The following OPCML variants were observed in gnomAD, a reference collection of about 807,000 sequenced individuals.
OPCML encodes the protein opioid binding protein/cell adhesion molecule like, also known as opioid-binding protein/cell adhesion molecule.
OPCML carries 13 observed loss-of-function variants against 37.8 expected under a neutral mutation model. That is an observed-to-expected ratio of 0.34 (90% CI 0.22 to 0.55). The LOEUF (loss-of-function observed/expected upper bound fraction) is 0.55. OPCML is among the 20% of genes least tolerant of loss of function. OPCML has a pLI of 0.91. For missense variants in OPCML, 341 were observed against 435.6 expected, an observed-to-expected ratio of 0.78 and a Z score of 1.93; for synonymous variants, 176 against 168.8, an observed-to-expected ratio of 1.04 and a Z score of -0.33.
intron 4 of OPCML, among the ~76,000 whole-genome samples, chr11:132,484,827 C>G (rs1327047929): frequency 6.6e-6 from 1 of 152,158 alleles, no homozygotes; most frequent in East Asian, 1.9e-4. Context: ...AACAAAAAAC[C>G]AAACGCTGCA....
chr11:132,569,573 T>A (rs73036854), intron 3 of OPCML, among the ~76,000 whole-genome samples: 8,324 of 151,830 alleles, frequency 0.055, 446 homozygotes, highest in African/African-American at 0.12. Context: ...AAGGAAAAAC[T>A]TCAATCTTCA....
intron 1 of OPCML, among the ~76,000 whole-genome samples, chr11:133,037,942 G>T (rs970129220): frequency 6.6e-6 from 1 of 152,160 alleles, no homozygotes; most frequent in African/African-American, 2.4e-5. Context: ...TTGAGATTAG[G>T]GTCCCCTTGG....
intron 1 of OPCML, among the ~76,000 whole-genome samples, chr11:133,110,469 G>GC (rs1200982676): frequency 6.6e-6 from 1 of 152,118 alleles, no homozygotes; most frequent in Non-Finnish European, 1.5e-5. Flanking sequence ...GAGGTCACAG[G>GC]CCCCCGTGCG....
At chr11:133,142,743 AG>A (rs758430540) in intron 1 of OPCML, among the ~76,000 whole-genome samples, 1 of 152,120 alleles carries the variant, frequency 6.6e-6, no homozygotes, top group Non-Finnish European at 1.5e-5. Flanking sequence ...AAGAGAAAGT[AG>A]GGTGAGCATG....
chr11:133,198,767 A>G (rs1229703047), intron 1 of OPCML, among the ~76,000 whole-genome samples: 1 of 152,232 alleles, frequency 6.6e-6, no homozygotes, highest in Non-Finnish European at 1.5e-5. Flanking sequence ...GGTAGCAGAC[A>G]TGCTTAGGCC....
At chr11:133,140,199 A>AATG (rs1565467006) in intron 1 of OPCML, among the ~76,000 whole-genome samples, 1 of 136,036 alleles carries the variant, frequency 7.4e-6, no homozygotes, top group African/African-American at 2.9e-5. Flanking sequence ...TAATAATAAT[A>AATG]ATAATAATAA....
chr11:132,433,898 T>C (rs1163625725), intron 7 of OPCML, among the ~76,000 whole-genome samples: 1 of 152,206 alleles, frequency 6.6e-6, no homozygotes, highest in African/African-American at 2.4e-5. Context: ...TTTGAGATAA[T>C]AAATGTCTGT....
At position 132,943,377 on chromosome 11, in the gene OPCML, G is replaced by A. The variant is rs1255586548; in HGVS notation, c.62-367C>T. ...GAGGAGGGAGGCGGCCAGGAGGGGA[G>A]AGGAAGAAGCAAGGTGCGGGGATGA... On this transcript the variant is annotated intron_variant, in intron 1 of 7. Coordinates refer to ENST00000524381, the MANE Select transcript of OPCML (RefSeq NM_001012393.5). The surrounding 1 kb of genome is among the most constrained non-coding windows in gnomAD (Gnocchi z 4.3). The A allele has an allele frequency of 4.4e-5, 22 of 496,156 alleles. No individual in the cohort carries two copies. The East Asian group carries it at 7.5e-4, about 17-fold the overall frequency. 30.7% of individuals were successfully genotyped at this position (496,156 alleles called of 1,614,324 possible).
intron 2 of OPCML, among the ~76,000 whole-genome samples, chr11:132,682,627 C>T (rs950475240): frequency 3.9e-5 from 6 of 152,214 alleles, no homozygotes; most frequent in Middle Eastern, 6.8e-3. Flanking sequence ...AATAAAGAGG[C>T]GATAAGGAGG....
At chr11:132,473,522 C>G (rs974174775) in intron 4 of OPCML, among the ~76,000 whole-genome samples, 1 of 152,148 alleles carries the variant, frequency 6.6e-6, no homozygotes, top group African/African-American at 2.4e-5. Context: ...AGGTGCTTCT[C>G]CACTATCACT....
At chr11:133,455,107 G>A (rs1263463510) in intron 1 of OPCML, among the ~76,000 whole-genome samples, 1 of 152,010 alleles carries the variant, frequency 6.6e-6, no homozygotes, top group Non-Finnish European at 1.5e-5. Context: ...CAAGTTCATT[G>A]TCTTGCATCC....
At chr11:132,544,989 A>G (rs936469045) in intron 3 of OPCML, among the ~76,000 whole-genome samples, 11 of 152,172 alleles carry the variant, frequency 7.2e-5, no homozygotes, top group Admixed American at 7.2e-4. Flanking sequence ...CATACTCATC[A>G]TACATTCCAG....
intron 1 of OPCML, among the ~76,000 whole-genome samples, chr11:132,971,107 T>A (rs151169554): frequency 6.6e-6 from 1 of 152,190 alleles, no homozygotes; most frequent in Admixed American, 6.5e-5. Context: ...GAAGCCTTTT[T>A]TCTAGCTGTT....
chr11:132,635,636 A>G (rs1940445651), intron 3 of OPCML, among the ~76,000 whole-genome samples: 1 of 151,820 alleles, frequency 6.6e-6, no homozygotes, highest in African/African-American at 2.4e-5. Context: ...AGACATACTT[A>G]ATCTATTATC....
intron 2 of OPCML, among the ~76,000 whole-genome samples, chr11:132,906,231 G>A (rs995109701): frequency 1.3e-5 from 2 of 152,144 alleles, no homozygotes; most frequent in African/African-American, 2.4e-5. Context: ...TGTGTAGCAG[G>A]CAAGGACCCA....
intron 2 of OPCML, among the ~76,000 whole-genome samples, chr11:132,870,787 G>T (rs775125025): frequency 6.6e-6 from 1 of 152,130 alleles, no homozygotes; most frequent in Non-Finnish European, 1.5e-5. Context: ...TACATTAAGT[G>T]AAATAAGCCA....
At chr11:132,715,729 T>C (rs1944448848) in intron 2 of OPCML, among the ~76,000 whole-genome samples, 1 of 152,198 alleles carries the variant, frequency 6.6e-6, no homozygotes, top group Non-Finnish European at 1.5e-5. Context: ...GGACTTATAG[T>C]GCCTGGCACT....
At chr11:133,443,419 G>T (rs1946404483) in intron 1 of OPCML, among the ~76,000 whole-genome samples, 1 of 152,168 alleles carries the variant, frequency 6.6e-6, no homozygotes, top group South Asian at 2.1e-4. Context: ...TTAACACAAG[G>T]CTGATCCTGA....
At chr11:133,216,629 C>G (rs1270902082) in intron 1 of OPCML, among the ~76,000 whole-genome samples, 1 of 152,146 alleles carries the variant, frequency 6.6e-6, no homozygotes, top group African/African-American at 2.4e-5. Context: ...TTCTACCTTA[C>G]AGAAGAGGAA....
Sources: allele counts gnomAD v4.1 joint callset (sites outside exome capture counted in the v4.1 genomes callset), GRCh38; gene constraint gnomAD v4.1.1; non-coding constraint Gnocchi (gnomAD v3.1); transcripts MANE v1.5; gene names NCBI Gene and HGNC (gene_info 2026-07-23, HGNC 2026-07-21).